Variants in CD70 observed in about 807,000 individuals in gnomAD.
The protein encoded by CD70 is CD70 antigen.
In CD70, 6 loss-of-function variants were observed where a neutral mutation model predicts 9.0. The observed-to-expected ratio is 0.67, with a 90% CI of 0.37 to 1.32. The LOEUF is 1.32. Among genes scored for constraint, CD70 ranks in the 40% most tolerant of loss-of-function variants. The pLI, the probability that CD70 is intolerant of heterozygous loss-of-function variation, is 0.02. For synonymous variants in CD70, 108 were observed against 112.3 expected (o/e 0.96, Z 0.24); for missense variants, 235 against 258.7 (o/e 0.91, Z 0.63).
rs1916002645 is a variant in CD70, at chr19:6,585,842, T to G, written c.*178A>C. 2 of 557,076 alleles carry G rather than the reference T, an allele frequency of 3.6e-6. No homozygotes were observed. Among genetic ancestry groups the G allele is most frequent in the Non-Finnish European group, 6.3e-6 (2 of 316,394 alleles). The allele number at this position is 557,076 out of a possible 1,614,324, so 34.5% of individuals were successfully genotyped here. ...GATGCACGCCACGAAGCCCAGCTGA[T>G]TTTTGTATTTTTTAATAGGAAAATG... On this transcript the variant is annotated 3_prime_UTR_variant, in exon 3 of 3. Transcript: ENST00000245903.
intron 2 of CD70, among the ~76,000 whole-genome samples, chr19:6,588,473 A>C (rs1916077906): frequency 6.6e-6 from 1 of 152,264 alleles, no homozygotes; most frequent in South Asian, 2.1e-4. Context: ...TGGAAGGAAC[A>C]AAACACGCAA....
In CD70 at chr19:6,590,319, G is replaced by A. The variant is rs559450388; in HGVS notation, c.163-183C>T. 3.3e-5 allele frequency among the ~76,000 whole-genome samples: 5 copies of A among 152,260 alleles called. No individual in the cohort carries two copies. In the South Asian group the frequency reaches 1.0e-3, roughly 32 times the overall value. ...TTAAGACTTCTTAAAGAGGAAGCAG[G>A]TCTGAACCAGCGGGGAACGTGAAGT... On this transcript the variant is annotated intron_variant, in intron 1 of 2. Transcript: ENST00000245903. This position sits in a 1 kb window ranked among gnomAD's most constrained non-coding sequence, Gnocchi z 5.3.
At position 6,590,805 on chromosome 19, in the gene CD70, CTA is replaced by C. The variant is rs781689817; in HGVS notation, c.162+34_162+35del. The C allele has an allele frequency of 9.5e-6, 15 of 1,574,100 alleles. No individual in the cohort carries two copies. The highest frequency in any genetic ancestry group is 4.0e-5 in the African/African-American group (3 of 74,234). On this transcript the variant is annotated intron_variant, in intron 1 of 2. Coordinates refer to ENST00000245903, the MANE Select transcript of CD70 (RefSeq NM_001252.5). The surrounding 1 kb of genome is among the most constrained non-coding windows in gnomAD (Gnocchi z 5.3). ...TCTGTCTTTTCGGTCACGCGCCTCT[CTA>C]TGTTTTCTTCCCAACTTTTCCATCT...
chr19:6,590,706 C>A lies in CD70; in HGVS notation c.162+135G>T, dbSNP rs1916137963. 1.3e-6 allele frequency: 1 copy of A among 793,684 alleles called. No individual in the cohort carries two copies. Among genetic ancestry groups the A allele is most frequent in the Non-Finnish European group, 2.0e-6 (1 of 499,356 alleles). The allele number at this position is 793,684 out of a possible 1,614,324, so 49.2% of individuals were successfully genotyped here. ...CCTACACCGGGCAGCCTGGTCCCCG[C>A]CTCGCCTCCCTGTTCTGGTCTCTGT... is the stretch of plus-strand genomic sequence containing the variant. On this transcript the variant is annotated intron_variant, in intron 1 of 2. Transcript: ENST00000245903. This position sits in a 1 kb window ranked among gnomAD's most constrained non-coding sequence, Gnocchi z 5.3.
Position 6,586,393 on chromosome 19 carries a change from T to C in CD70, c.209A>G (p.Asp70Gly). 1 of 1,609,142 alleles carries C rather than the reference T, an allele frequency of 6.2e-7. No individual in the cohort carries two copies. Reference sequence around the variant, plus strand: ...GCCCCCCTGCCAGTATAGCCTGGGGTCCTGCTGAGGTCCTGGGGGCACAGG... The same window carrying C: ...GCCCCCCTGCCAGTATAGCCTGGGGCCCTGCTGAGGTCCTGGGGGCACAGG... ...LQLNHTGPQQDPRLYWQGGPA... is the reference protein window; with the variant it reads ...LQLNHTGPQQGPRLYWQGGPA... The change falls in exon 3 of 3, where the codon GAC (aspartate) becomes GGC (glycine). Residue 70 changes from aspartate (D) to glycine (G), a missense_variant. Physicochemically the swap from Asp to Gly is moderately conservative, Grantham distance 94 (BLOSUM62 -1). Coordinates refer to ENST00000245903, the MANE Select transcript of CD70 (RefSeq NM_001252.5).
chr19:6,586,673 C>T (rs1369933628), intron 2 of CD70, among the ~76,000 whole-genome samples: 1 of 151,930 alleles, frequency 6.6e-6, no homozygotes, highest in Non-Finnish European at 1.5e-5. Flanking sequence ...TGGTGCACGC[C>T]TCTGGTCCTG....
In CD70 at chr19:6,589,999, CTGTG is replaced by C. The variant is rs759177690; in HGVS notation, c.196+100_196+103del. ...CCTCCCTCTCTCCCTCCGTCTCTGTCTGTGTCTCTTTCTCTCTGTCTCTCCCCAC... is the reference window on the plus strand; with the variant it reads ...CCTCCCTCTCTCCCTCCGTCTCTGTCTCTCTTTCTCTCTGTCTCTCCCCAC... On this transcript the variant is annotated intron_variant, in intron 2 of 2. Transcript: ENST00000245903. 243 of 873,776 alleles carry C rather than the reference CTGTG, an allele frequency of 2.8e-4. 1 individual carries two copies. Among genetic ancestry groups the C allele is most frequent in the Non-Finnish European group, 4.1e-4 (224 of 540,950 alleles). The allele number at this position is 873,776 out of a possible 1,614,324, so 54.1% of individuals were successfully genotyped here.
intron 2 of CD70, among the ~76,000 whole-genome samples, chr19:6,587,007 T>C (rs899123683): frequency 1.4e-5 from 2 of 147,940 alleles, no homozygotes; most frequent in Non-Finnish European, 3.0e-5. Flanking sequence ...AGAGAGTGTA[T>C]GTGTGAGAGA....
chr19:6,591,017 C>A lies in CD70; in HGVS notation c.-15G>T. The A allele has an allele frequency of 6.3e-7, 1 of 1,585,292 alleles. No homozygotes were observed. The highest frequency in any genetic ancestry group is 8.6e-7 in the Non-Finnish European group (1 of 1,162,658). ...TCCTCCGGCATCGCCGCGGCGATCA[C>A]CTCCGCTAGCGCAGGAGGGGCGATG... On this transcript the variant is annotated 5_prime_UTR_variant, in exon 1 of 3. Transcript: ENST00000245903.
intron 2 of CD70, among the ~76,000 whole-genome samples, chr19:6,587,335 T>C (rs146592020): frequency 8.7e-6 from 1 of 114,772 alleles, no homozygotes; most frequent in Non-Finnish European, 1.8e-5. Flanking sequence ...AGAGAGAGAG[T>C]GTGTGTGTGA....
chr19:6,584,823 G>A (rs1202674933), downstream of CD70, among the ~76,000 whole-genome samples: 1 of 151,984 alleles, frequency 6.6e-6, no homozygotes, highest in Non-Finnish European at 1.5e-5. Flanking sequence ...ACAGGATCAT[G>A]CCACCGCACT....
At chr19:6,584,521 A>G (rs529916616), downstream of CD70, among the ~76,000 whole-genome samples, 1 of 151,110 alleles carries the variant, frequency 6.6e-6, no homozygotes, top group Admixed American at 6.6e-5. Flanking sequence ...AAAAGATGGT[A>G]TAATCCTGTA....
rs149645346 is a variant in CD70, at chr19:6,590,867, G to C, written c.136C>G (p.Gln46Glu). 1.2e-6 allele frequency: 2 copies of C among 1,613,810 alleles called. No individual in the cohort carries two copies. The highest frequency in any genetic ancestry group is 1.3e-5 in the African/African-American group (1 of 74,924). ...CCAAGTGACTCGAGCGGCAGCTGCTGCTGAGCCTGTGCGAAGCGCTGGATG... is the reference window on the plus strand; with the variant it reads ...CCAAGTGACTCGAGCGGCAGCTGCTCCTGAGCCTGTGCGAAGCGCTGGATG... ...VCIQRFAQAQ[Q>E]QLPLESLGWD... Residue 46 changes from glutamine (Q) to glutamate (E), a missense_variant, in exon 1 of 3, where the codon CAG (glutamine) becomes GAG (glutamate). Transcript: ENST00000245903. The surrounding 1 kb of genome is among the most constrained non-coding windows in gnomAD (Gnocchi z 5.3).
chr19:6,590,732 C>G lies in CD70; in HGVS notation c.162+109G>C, dbSNP rs1052710823. On this transcript the variant is annotated intron_variant, in intron 1 of 2. Transcript: ENST00000245903. This position sits in a 1 kb window ranked among gnomAD's most constrained non-coding sequence, Gnocchi z 5.3. ...CTCGCCTCCCTGTTCTGGTCTCTGT[C>G]TCTGCCCTACCAGATCTTCCTCTCT... The G allele has an allele frequency of 4.8e-6, 5 of 1,045,394 alleles. No individual in the cohort carries two copies. The highest frequency in any genetic ancestry group is 7.2e-6 in the Non-Finnish European group (5 of 697,702). The allele number at this position is 1,045,394 out of a possible 1,614,324, so 64.8% of individuals were successfully genotyped here.
chr19:6,590,213 T>G lies in CD70; in HGVS notation c.163-77A>C. The G allele has an allele frequency of 8.6e-7, 1 of 1,156,836 alleles. No individual in the cohort carries two copies. The highest frequency in any genetic ancestry group is 1.7e-5 in the Admixed American group (1 of 59,268). 71.7% of individuals were successfully genotyped at this position (1,156,836 alleles called of 1,614,324 possible). On this transcript the variant is annotated intron_variant, in intron 1 of 2. Coordinates refer to ENST00000245903, the MANE Select transcript of CD70 (RefSeq NM_001252.5). This position sits in a 1 kb window ranked among gnomAD's most constrained non-coding sequence, Gnocchi z 5.3. ...TGTGTCCCCTGTGCCAGGAGCTCTC[T>G]TTTCTCTGTCCATCCTCCTTTCCAC... is the stretch of plus-strand genomic sequence containing the variant.
Position 6,589,373 on chromosome 19 carries a change from CTTTT to C in CD70, c.196+726_196+729del, listed in dbSNP as rs139332177. 9.7e-3 allele frequency among the ~76,000 whole-genome samples: 1,402 copies of C among 145,200 alleles called. 17 individuals are homozygous for C. Among genetic ancestry groups the C allele is most frequent in the African/African-American group, 0.034 (1,329 of 39,280 alleles). ...TTTCTTTTCCTTCCTTCCTTTCTTT[CTTTT>C]TCTTTTCCTTTCTTCTTTTTATTTA... is the stretch of plus-strand genomic sequence containing the variant. On this transcript the variant is annotated intron_variant, in intron 2 of 2. Coordinates refer to ENST00000245903, the MANE Select transcript of CD70 (RefSeq NM_001252.5).
At chr19:6,582,208 T>A (rs1915931370), downstream of CD70, among the ~76,000 whole-genome samples, 1 of 148,204 alleles carries the variant, frequency 6.7e-6, no homozygotes, top group African/African-American at 2.5e-5. Flanking sequence ...TTTTTTTTTT[T>A]GTATTTTAGT....
rs929842685 is a variant in CD70, at chr19:6,590,457, C to A, written c.163-321G>T. Among the ~76,000 whole-genome samples the A allele has an allele frequency of 6.6e-6, 1 of 152,172 alleles. No individual in the cohort carries two copies. Among genetic ancestry groups the A allele is most frequent in the Admixed American group, 6.5e-5 (1 of 15,284 alleles). ...ACGCTGCAAAGGCGCCCGGCGCGGT[C>A]CCCAAAGGGACCCCTCCCCCACCCG... On this transcript the variant is annotated intron_variant, in intron 1 of 2. Coordinates refer to ENST00000245903, the MANE Select transcript of CD70 (RefSeq NM_001252.5). The surrounding 1 kb of genome is among the most constrained non-coding windows in gnomAD (Gnocchi z 5.3).
intron 2 of CD70, among the ~76,000 whole-genome samples, chr19:6,587,304 GAC>G (rs1916048298): frequency 6.7e-6 from 1 of 148,972 alleles, no homozygotes; most frequent in African/African-American, 2.5e-5. Context: ...GAGTACGAGA[GAC>G]AGCATGAGAG....
Sources: gnomAD v4.1 joint callset for allele counts (sites outside exome capture counted in the v4.1 genomes callset) on GRCh38, gnomAD v4.1.1 for gene constraint, Gnocchi (gnomAD v3.1) non-coding constraint, MANE v1.5 for transcripts, NCBI Gene and HGNC (gene_info 2026-07-23, HGNC 2026-07-21) for gene names.